KLHDC10: variants seen among roughly 807,000 people sequenced by gnomAD.
The protein encoded by KLHDC10 is kelch domain containing 10.
A neutral mutation model predicts 56.1 loss-of-function variants in KLHDC10; 24 were observed. The observed-to-expected ratio is 0.43, with a 90% CI of 0.31 to 0.60. The LOEUF is 0.60. Ranked by LOEUF, KLHDC10 falls within the 20% of genes least tolerant of loss-of-function variation. The pLI is 0.11. For synonymous variants in KLHDC10, 188 were observed against 207.1 expected, an observed-to-expected ratio of 0.91 and a Z score of 0.79; for missense variants, 349 against 567.0, an observed-to-expected ratio of 0.62 and a Z score of 3.91.
chr7:130,074,258 C>G (rs2116829851), intron 1 of KLHDC10, among the ~76,000 whole-genome samples: 1 of 152,288 alleles, frequency 6.6e-6, no homozygotes. Context: ...TTTAACTTCT[C>G]TTCCATTAGA....
At chr7:130,086,957 A>G (rs1392309032) in intron 1 of KLHDC10, among the ~76,000 whole-genome samples, 3 of 152,210 alleles carry the variant, frequency 2.0e-5, no homozygotes, top group African/African-American at 4.8e-5. Context: ...CCCTATAATA[A>G]TATTAGCCAG....
intron 2 of KLHDC10, among the ~76,000 whole-genome samples, chr7:130,113,514 G>A (rs1796128669): frequency 6.6e-6 from 1 of 152,046 alleles, no homozygotes; most frequent in African/African-American, 2.4e-5. Flanking sequence ...CGTATTTTTA[G>A]TAGAGACGGG....
intron 1 of KLHDC10, among the ~76,000 whole-genome samples, chr7:130,075,336 C>T (rs1795483107): frequency 6.6e-6 from 1 of 152,106 alleles, no homozygotes; most frequent in African/African-American, 2.4e-5. Flanking sequence ...GTTGGTAAAG[C>T]TGGGTAAAAA....
intron 2 of KLHDC10, among the ~76,000 whole-genome samples, chr7:130,100,773 C>T (rs137854965): frequency 4.8e-4 from 73 of 152,172 alleles, no homozygotes; most frequent in Middle Eastern, 3.4e-3. Context: ...TTTCATAGGG[C>T]CCATTTTCTG....
At chr7:130,083,758 A>C (rs1051882551) in intron 1 of KLHDC10, among the ~76,000 whole-genome samples, 4 of 152,122 alleles carry the variant, frequency 2.6e-5, no homozygotes, top group Non-Finnish European at 4.4e-5. Flanking sequence ...AAAAACAAAC[A>C]AACCCACAAA....
intron 1 of KLHDC10, among the ~76,000 whole-genome samples, chr7:130,076,170 G>A (rs1795500268): frequency 6.6e-6 from 1 of 152,066 alleles, no homozygotes; most frequent in African/African-American, 2.4e-5. Context: ...CGTAGAGTTA[G>A]CACTCCTATG....
At chr7:130,109,843 T>A (rs886569329) in intron 2 of KLHDC10, among the ~76,000 whole-genome samples, 17 of 152,110 alleles carry the variant, frequency 1.1e-4, no homozygotes, top group African/African-American at 4.1e-4. Context: ...TTCACCATGT[T>A]AGTCAGGCTG....
At chr7:130,098,715 ATAAT>A (rs1795887512) in intron 2 of KLHDC10, among the ~76,000 whole-genome samples, 2 of 152,192 alleles carry the variant, frequency 1.3e-5, no homozygotes, top group Admixed American at 1.3e-4. Flanking sequence ...AAATATAAGC[ATAAT>A]TAAGGAATTG....
At position 130,116,806 on chromosome 7, in the gene KLHDC10, A is replaced by G; in HGVS notation, c.475+140A>G. 4.4e-6 allele frequency: 3 copies of G among 681,424 alleles called. No homozygotes were observed. Among genetic ancestry groups the G allele is most frequent in the South Asian group, 3.7e-5 (2 of 53,826 alleles). 42.2% of individuals were successfully genotyped at this position (681,424 alleles called of 1,614,324 possible). On this transcript the variant is annotated intron_variant, in intron 3 of 9. Transcript: ENST00000335420. The surrounding 1 kb of genome is among the most constrained non-coding windows in gnomAD (Gnocchi z 4.8). The stretch of plus-strand genomic sequence containing the variant: ...GGTGGATAGGCTTTTTACTAGGGTA[A>G]TAACAGTATGGTGATTCCAAATTAT...
At chr7:130,126,941 A>G (rs1796324075) in intron 7 of KLHDC10, among the ~76,000 whole-genome samples, 1 of 152,038 alleles carries the variant, frequency 6.6e-6, no homozygotes, top group Non-Finnish European at 1.5e-5. Context: ...TGTCTCCACT[A>G]AAAATACAAA....
intron 1 of KLHDC10, among the ~76,000 whole-genome samples, chr7:130,074,102 T>G (rs1448570674): frequency 6.6e-6 from 1 of 152,230 alleles, no homozygotes; most frequent in Non-Finnish European, 1.5e-5. Flanking sequence ...CCTCTCTAAC[T>G]CTACAGTTAA....
In KLHDC10 at chr7:130,120,212, T is replaced by C. The variant is rs970414100; in HGVS notation, c.476-537T>C. On this transcript the variant is annotated intron_variant, in intron 3 of 9. Transcript: ENST00000335420. This position sits in a 1 kb window ranked among gnomAD's most constrained non-coding sequence, Gnocchi z 5.1. ...TGCTTTGCTGCATGCTTGAACTGTC[T>C]TCAGCAGCAGTGGTATACTGGGTAG... 6.6e-6 allele frequency among the ~76,000 whole-genome samples: 1 copy of C among 152,234 alleles called. No homozygotes were observed. Among genetic ancestry groups the C allele is most frequent in the African/African-American group, 2.4e-5 (1 of 41,452 alleles).
At position 130,118,148 on chromosome 7, in the gene KLHDC10, T is replaced by C. The variant is rs576850835; in HGVS notation, c.475+1482T>C. Among the ~76,000 whole-genome samples the C allele has an allele frequency of 6.6e-5, 10 of 152,216 alleles. No homozygotes were observed. In the South Asian group the frequency reaches 2.1e-3, roughly 32 times the overall value. The stretch of plus-strand genomic sequence containing the variant: ...AAGATCGCCCCACTGCACTCCAGCC[T>C]GGGCAATAAGAGTGAGACTCCGTTT... On this transcript the variant is annotated intron_variant, in intron 3 of 9. Coordinates refer to ENST00000335420, the MANE Select transcript of KLHDC10 (RefSeq NM_014997.4).
intron 1 of KLHDC10, among the ~76,000 whole-genome samples, chr7:130,071,781 A>G (rs1291664185): frequency 6.6e-6 from 1 of 152,182 alleles, no homozygotes; most frequent in Non-Finnish European, 1.5e-5. Flanking sequence ...TATTAGTGAT[A>G]TATTTGTTTA....
chr7:130,094,126 A>G (rs926813293), intron 1 of KLHDC10, among the ~76,000 whole-genome samples: 14 of 151,984 alleles, frequency 9.2e-5, no homozygotes, highest in African/African-American at 3.4e-4. Flanking sequence ...GGGTTTTGGC[A>G]TGTTGGCCAG....
intron 1 of KLHDC10, among the ~76,000 whole-genome samples, chr7:130,076,509 A>G (rs916031375): frequency 6.6e-6 from 1 of 152,190 alleles, no homozygotes; most frequent in Non-Finnish European, 1.5e-5. Context: ...GTTTTGTGTC[A>G]TAAGAAAGGC....
At chr7:130,100,787 C>G (rs1795918758) in intron 2 of KLHDC10, among the ~76,000 whole-genome samples, 1 of 152,144 alleles carries the variant, frequency 6.6e-6, no homozygotes, top group Non-Finnish European at 1.5e-5. Flanking sequence ...TTTTCTGTCA[C>G]TAGATTCCTC....
Position 130,134,876 on chromosome 7 carries a change from G to C in KLHDC10, c.*4130G>C, listed in dbSNP as rs1033836007. 6.6e-6 allele frequency: 1 copy of C among 152,050 alleles called. No individual in the cohort carries two copies. Among genetic ancestry groups the C allele is most frequent in the Non-Finnish European group, 1.5e-5 (1 of 68,026 alleles). 9.4% of individuals were successfully genotyped at this position (152,050 alleles called of 1,614,324 possible). On this transcript the variant is annotated 3_prime_UTR_variant, in exon 10 of 10. Coordinates refer to ENST00000335420, the MANE Select transcript of KLHDC10 (RefSeq NM_014997.4). ...GTTCCCCAAATGCCTTGGAACTCCAGACGCACCCGCAGGGCCTGAGGTAGG... is the reference window on the plus strand; with the variant it reads ...GTTCCCCAAATGCCTTGGAACTCCACACGCACCCGCAGGGCCTGAGGTAGG...
chr7:130,079,755 C>G (rs961051634), intron 1 of KLHDC10, among the ~76,000 whole-genome samples: 2 of 146,848 alleles, frequency 1.4e-5, no homozygotes, highest in Non-Finnish European at 3.0e-5. Flanking sequence ...TTTTCCTTCC[C>G]TCCCTCCCCC....
Sources: allele counts gnomAD v4.1 joint callset (sites outside exome capture counted in the v4.1 genomes callset), GRCh38; gene constraint gnomAD v4.1.1; non-coding constraint Gnocchi (gnomAD v3.1); transcripts MANE v1.5; gene names NCBI Gene and HGNC (gene_info 2026-07-23, HGNC 2026-07-21).